The following GRM8 variants were observed in gnomAD, a reference collection of about 807,000 sequenced individuals.
The protein encoded by GRM8 is glutamate metabotropic receptor 8.
In GRM8, 47 loss-of-function variants were observed where a neutral mutation model predicts 87.2. The ratio of observed to expected loss-of-function variants is 0.54; its 90% CI spans 0.43 to 0.69. The LOEUF (loss-of-function observed/expected upper bound fraction) is 0.69, where lower values mean the gene tolerates loss of function less well. Ranked by LOEUF, GRM8 falls within the 30% of genes least tolerant of loss-of-function variation. The pLI is 0.00. For missense variants in GRM8, 1,019 were observed against 1,139.2 expected (o/e 0.89, Z 1.52); for synonymous variants, 396 against 404.5 (o/e 0.98, Z 0.25).
rs115540239 is a variant in GRM8 at position 126,449,911 on chromosome 7, A to T, written c.2431-3539T>A. Among the ~76,000 whole-genome samples the T allele has an allele frequency of 7.5e-3, 1,146 of 151,874 alleles. 10 individuals carry two copies. The highest frequency in any genetic ancestry group is 0.026 in the African/African-American group (1,074 of 41,480). On this transcript the variant is annotated intron_variant, in intron 9 of 10. Coordinates refer to ENST00000339582, the MANE Select transcript of GRM8 (RefSeq NM_000845.3). ...GGATGGGGACTATCTTTTCTATCACACGCACTGATGGCTTGTTACTTACTC... is the reference window on the plus strand; with the variant it reads ...GGATGGGGACTATCTTTTCTATCACTCGCACTGATGGCTTGTTACTTACTC...
chr7:126,535,912 G>A (rs1562933695), intron 8 of GRM8, among the ~76,000 whole-genome samples: 1 of 152,114 alleles, frequency 6.6e-6, no homozygotes, highest in Non-Finnish European at 1.5e-5. Flanking sequence ...AAGCCTTCAG[G>A]TGACATCTGA....
intron 9 of GRM8, among the ~76,000 whole-genome samples, chr7:126,491,063 G>C (rs937802945): frequency 1.3e-5 from 2 of 152,030 alleles, no homozygotes; most frequent in African/African-American, 4.8e-5. Context: ...CCATTGGAAA[G>C]AATGTTTCAA....
intron 7 of GRM8, among the ~76,000 whole-genome samples, chr7:126,704,739 G>C (rs959185176): frequency 6.6e-6 from 1 of 152,084 alleles, no homozygotes; most frequent in African/African-American, 2.4e-5. Flanking sequence ...AGGCTTATTA[G>C]GAAGAGGAAA....
At chr7:126,633,572 C>T (rs1255533852) in intron 7 of GRM8, among the ~76,000 whole-genome samples, 3 of 151,994 alleles carry the variant, frequency 2.0e-5, no homozygotes, top group Admixed American at 1.3e-4. Flanking sequence ...AACAAATGAT[C>T]GAAACAGTTT....
chr7:127,015,235 GAAGAAGAAGAAGAAGAAGAAGAAGAAA>G (rs1815506449), intron 3 of GRM8, among the ~76,000 whole-genome samples: 4 of 129,250 alleles, frequency 3.1e-5, no homozygotes, highest in East Asian at 2.7e-4. Flanking sequence ...AGAAGAAGAA[GAAGAAGAAGAAGAAGAAGAAGAAGAAA>G]AGAGAGAGAG....
intron 2 of GRM8, among the ~76,000 whole-genome samples, chr7:127,195,976 T>C (rs992612505): frequency 6.6e-6 from 1 of 152,082 alleles, no homozygotes; most frequent in Non-Finnish European, 1.5e-5. Context: ...GGATGGAAAA[T>C]AAACAAAAAG....
chr7:126,511,880 A>G (rs553576705), intron 9 of GRM8: 1 of 152,218 alleles, frequency 6.6e-6, no homozygotes, highest in Non-Finnish European at 1.5e-5. Flanking sequence ...AAGTAAAATA[A>G]ATTAGTTGCA....
chr7:126,642,320 T>G (rs1802491423), intron 7 of GRM8, among the ~76,000 whole-genome samples: 1 of 152,150 alleles, frequency 6.6e-6, no homozygotes, highest in South Asian at 2.1e-4. Flanking sequence ...TATTTCTAAT[T>G]GTGATTTAAA....
At chr7:127,104,530 A>C (rs1825635303) in intron 3 of GRM8, among the ~76,000 whole-genome samples, 1 of 152,232 alleles carries the variant, frequency 6.6e-6, no homozygotes, top group Admixed American at 6.5e-5. Flanking sequence ...GGCATACTCC[A>C]GTGTGGTACT....
At chr7:126,858,505 G>C (rs150185742) in intron 6 of GRM8, among the ~76,000 whole-genome samples, 6 of 152,164 alleles carry the variant, frequency 3.9e-5, no homozygotes, top group African/African-American at 1.4e-4. Context: ...CCATTGTTTT[G>C]AACTAAGATC....
chr7:127,175,374 C>G (rs1301579343), intron 2 of GRM8, among the ~76,000 whole-genome samples: 1 of 152,048 alleles, frequency 6.6e-6, no homozygotes, highest in Non-Finnish European at 1.5e-5. Flanking sequence ...TATTAAAGAA[C>G]TGTGGGACAA....
chr7:127,136,034 G>A (rs1218537743), intron 2 of GRM8, among the ~76,000 whole-genome samples: 1 of 152,094 alleles, frequency 6.6e-6, no homozygotes, highest in Non-Finnish European at 1.5e-5. Context: ...AATCAGACAA[G>A]AGCACTGAAT....
At chr7:126,964,831 A>G (rs777249727) in intron 3 of GRM8, among the ~76,000 whole-genome samples, 2 of 152,220 alleles carry the variant, frequency 1.3e-5, no homozygotes, top group African/African-American at 2.4e-5. Flanking sequence ...ACGATTATAA[A>G]TCATTCTACT....
At chr7:126,915,083 G>T (rs1586440274) in intron 3 of GRM8, among the ~76,000 whole-genome samples, 2 of 152,312 alleles carry the variant, frequency 1.3e-5, no homozygotes, top group East Asian at 3.9e-4. Flanking sequence ...TCCACGCTGG[G>T]CTCTCACTCA....
intron 2 of GRM8, among the ~76,000 whole-genome samples, chr7:127,153,320 G>A (rs915339158): frequency 6.6e-6 from 1 of 152,098 alleles, no homozygotes; most frequent in Non-Finnish European, 1.5e-5. Flanking sequence ...AGTCAGAAAT[G>A]TTGTAAAGGG....
intron 7 of GRM8, 46 bp from the exon 8 acceptor site, chr7:126,609,544 G>A (rs1798708740): frequency 2.0e-6 from 3 of 1,464,928 alleles, no homozygotes; most frequent in African/African-American, 1.4e-5. Flanking sequence ...TAGTAAGATA[G>A]CCCACTGGGT....
intron 2 of GRM8, among the ~76,000 whole-genome samples, chr7:127,163,512 A>C (rs1363911967): frequency 6.6e-6 from 1 of 152,196 alleles, no homozygotes; most frequent in Non-Finnish European, 1.5e-5. Flanking sequence ...TGGGTGCTTC[A>C]CCATCCCATG....
intron 2 of GRM8, among the ~76,000 whole-genome samples, chr7:127,148,695 T>C (rs1828683089): frequency 6.6e-6 from 1 of 151,924 alleles, no homozygotes; most frequent in Non-Finnish European, 1.5e-5. Context: ...TTCACTAATA[T>C]GTGGAAATTA....
At position 126,809,358 on chromosome 7, in the gene GRM8, T is replaced by C. The variant is rs370358771; in HGVS notation, c.1157-39293A>G. On this transcript the variant is annotated intron_variant, in intron 6 of 10. Coordinates refer to ENST00000339582, the MANE Select transcript of GRM8 (RefSeq NM_000845.3). ...GGCTATTATTCTGCTTACCACAACA[T>C]TTTACCTGACATTGCATGGGCTAAA... Among the ~76,000 whole-genome samples, 6 of 152,248 alleles carry C rather than the reference T, an allele frequency of 3.9e-5. No individual in the cohort carries two copies. The South Asian group carries it at 8.3e-4, about 21-fold the overall frequency.
Sources: allele counts gnomAD v4.1 joint callset (sites outside exome capture counted in the v4.1 genomes callset), GRCh38; gene constraint gnomAD v4.1.1; transcripts MANE v1.5; gene names NCBI Gene and HGNC (gene_info 2026-07-23, HGNC 2026-07-21).